Variants in NBEA observed in about 807,000 individuals in gnomAD.
The protein encoded by NBEA is lysosomal-trafficking regulator 2.
NBEA carries 44 observed loss-of-function variants against 343.4 expected under a neutral mutation model. That is an observed-to-expected ratio of 0.13 (90% CI 0.10 to 0.16). The LOEUF is 0.16. NBEA is among the 10% of genes least tolerant of loss of function. The probability of loss-of-function intolerance (pLI) is 1.00; values close to 1 mark genes in which losing one functional copy is unlikely to be tolerated. For synonymous variants in NBEA, 1,175 were observed against 1,238.7 expected (o/e 0.95, Z 1.08); for missense variants, 2,555 against 3,631.3 (o/e 0.70, Z 7.62).
At chr13:35,323,593 T>A (rs1408937597) in intron 36 of NBEA, among the ~76,000 whole-genome samples, 1 of 147,422 alleles carries the variant, frequency 6.8e-6, no homozygotes, top group Non-Finnish European at 1.5e-5. Context: ...AGGGATAGCA[T>A]TGGGAGATAT....
chr13:35,084,341 G>A (rs999391223), intron 10 of NBEA, among the ~76,000 whole-genome samples: 3 of 151,514 alleles, frequency 2.0e-5, no homozygotes, highest in Non-Finnish European at 4.4e-5. Flanking sequence ...GCACTCCTCA[G>A]CAAATGTAAA....
intron 17 of NBEA, among the ~76,000 whole-genome samples, chr13:35,139,168 C>T (rs1382300485): frequency 6.8e-6 from 1 of 147,946 alleles, no homozygotes; most frequent in Non-Finnish European, 1.5e-5. Flanking sequence ...TCAATTGACT[C>T]TCCCACCTCA....
At chr13:35,188,227 T>C (rs1390614804) in intron 30 of NBEA, among the ~76,000 whole-genome samples, 1 of 151,946 alleles carries the variant, frequency 6.6e-6, no homozygotes, top group African/African-American at 2.4e-5. Context: ...AGCTAATTAA[T>C]GTCTTCATCA....
At chr13:35,585,035 C>G (rs1251452890) in intron 46 of NBEA, among the ~76,000 whole-genome samples, 1 of 148,858 alleles carries the variant, frequency 6.7e-6, no homozygotes. Flanking sequence ...TCTTGGGCAG[C>G]ATGTTTTAAA....
At chr13:35,559,651 C>T (rs567431285) in intron 44 of NBEA, among the ~76,000 whole-genome samples, 4 of 152,266 alleles carry the variant, frequency 2.6e-5, no homozygotes, top group Admixed American at 2.6e-4. Flanking sequence ...CGCAGTGGCT[C>T]ACGCCTGTAA....
At chr13:34,992,596 A>T (rs1266576263) in intron 1 of NBEA, among the ~76,000 whole-genome samples, 1 of 152,022 alleles carries the variant, frequency 6.6e-6, no homozygotes, top group East Asian at 1.9e-4. Flanking sequence ...TGACTTGGTA[A>T]CGAGGTATTT....
intron 34 of NBEA, among the ~76,000 whole-genome samples, chr13:35,247,210 C>A (rs923481657): frequency 3.3e-5 from 5 of 152,178 alleles, no homozygotes; most frequent in African/African-American, 1.2e-4. Flanking sequence ...AGGCTACCGG[C>A]CTCCTGGCCC....
intron 58 of NBEA, 116 bp from the exon 59 acceptor site, chr13:35,670,785 T>G: frequency 2.2e-5 from 15 of 686,404 alleles, no homozygotes; most frequent in Non-Finnish European, 3.0e-5. Context: ...TGGCAAACCT[T>G]GAGATCGTGA....
intron 34 of NBEA, among the ~76,000 whole-genome samples, chr13:35,272,960 C>A (rs2034283260): frequency 6.6e-6 from 1 of 152,132 alleles, no homozygotes; most frequent in Non-Finnish European, 1.5e-5. Context: ...CAAAGGTTAA[C>A]AAGGATATCC....
intron 18 of NBEA, among the ~76,000 whole-genome samples, chr13:35,154,812 G>A (rs546984753): frequency 1.3e-5 from 2 of 152,144 alleles, no homozygotes; most frequent in East Asian, 3.9e-4. Flanking sequence ...TTGTTAGGAA[G>A]AACTTTCCCT....
intron 51 of NBEA, among the ~76,000 whole-genome samples, chr13:35,648,086 C>A (rs1273684312): frequency 1.3e-5 from 2 of 151,516 alleles, no homozygotes; most frequent in African/African-American, 4.9e-5. Flanking sequence ...CTGTGTTTCC[C>A]AGGCTGGTCT....
In NBEA at chr13:35,098,409, A is replaced by C. The variant is rs2065445445; in HGVS notation, c.1680+4A>C. 1 of 1,558,652 alleles carries C rather than the reference A, an allele frequency of 6.4e-7. No homozygotes were observed. Among genetic ancestry groups the C allele is most frequent in the African/African-American group, 1.4e-5 (1 of 73,920 alleles). ...CATTGGCTACTTACTTGAAAAGGTA[A>C]GTGATATGTGTTGATGGTTTTATTG... On this transcript the variant is annotated splice_donor_region_variant and intron_variant, in intron 11 of 58. Transcript: ENST00000379939.
chr13:35,573,275 C>T (rs1428916934), intron 45 of NBEA, among the ~76,000 whole-genome samples: 2 of 152,162 alleles, frequency 1.3e-5, no homozygotes, highest in Non-Finnish European at 1.5e-5. Flanking sequence ...ATTACACAAG[C>T]ATTTATTGCC....
intron 48 of NBEA, among the ~76,000 whole-genome samples, chr13:35,625,274 G>A (rs2083172176): frequency 6.6e-6 from 1 of 152,100 alleles, no homozygotes; most frequent in African/African-American, 2.4e-5. Flanking sequence ...ATGACATTTG[G>A]GAGAATGCAT....
At chr13:35,270,165 G>T (rs540525046) in intron 34 of NBEA, among the ~76,000 whole-genome samples, 2 of 152,194 alleles carry the variant, frequency 1.3e-5, no homozygotes, top group African/African-American at 2.4e-5. Flanking sequence ...TGTAGAAGTT[G>T]ACAAAGATTT....
chr13:35,417,765 G>A (rs1203253790), intron 38 of NBEA, among the ~76,000 whole-genome samples: 1 of 152,122 alleles, frequency 6.6e-6, no homozygotes, highest in Non-Finnish European at 1.5e-5. Context: ...TTGGTGCAGA[G>A]CTGAGTTCAA....
chr13:34,993,141 T>C (rs183923173), intron 1 of NBEA, among the ~76,000 whole-genome samples: 12 of 152,326 alleles, frequency 7.9e-5, no homozygotes, highest in African/African-American at 2.9e-4. Flanking sequence ...TTAGAGCTTA[T>C]TCATTTGGTG....
At chr13:35,614,308 C>A (rs541428243) in intron 48 of NBEA, among the ~76,000 whole-genome samples, 58 of 152,244 alleles carry the variant, frequency 3.8e-4, no homozygotes, top group African/African-American at 1.3e-3. Flanking sequence ...TCATTTTTTA[C>A]TTAAAAAAGT....
chr13:34,988,430 T>C (rs2060635707), intron 1 of NBEA, among the ~76,000 whole-genome samples: 1 of 151,282 alleles, frequency 6.6e-6, no homozygotes, highest in Admixed American at 6.6e-5. Flanking sequence ...CCGGCCTTGC[T>C]GAGCTGTGGT....
Sources: gnomAD v4.1 joint callset for allele counts (sites outside exome capture counted in the v4.1 genomes callset) on GRCh38, gnomAD v4.1.1 for gene constraint, MANE v1.5 for transcripts, NCBI Gene and HGNC (gene_info 2026-07-23, HGNC 2026-07-21) for gene names.